Variants in DTNA observed in about 807,000 individuals in gnomAD.
The protein encoded by DTNA is dystrobrevin alpha.
Under a neutral mutation model 100.7 loss-of-function variants are expected in DTNA, and 43 were observed. The observed-to-expected ratio is 0.43, with a 90% CI of 0.33 to 0.55. The LOEUF is 0.55. Among genes scored for constraint, DTNA ranks in the 20% least tolerant of loss-of-function variants. The pLI is 0.04. For synonymous variants in DTNA, 349 were observed against 347.9 expected, an observed-to-expected ratio of 1.00 and a Z score of -0.04; for missense variants, 798 against 953.9, an observed-to-expected ratio of 0.84 and a Z score of 2.15.
intron 1 of DTNA, among the ~76,000 whole-genome samples, chr18:34,525,338 G>A (rs908955749): frequency 1.3e-5 from 2 of 152,034 alleles, no homozygotes; most frequent in South Asian, 2.1e-4. Context: ...GCTACCATTC[G>A]TTTCTCCACT....
chr18:34,576,718 C>G (rs543561486), intron 1 of DTNA, among the ~76,000 whole-genome samples: 1 of 152,098 alleles, frequency 6.6e-6, no homozygotes, highest in Non-Finnish European at 1.5e-5. Context: ...CTCAGCCTCC[C>G]GAAGTGCTGG....
chr18:34,876,045 T>TA (rs2096813649), intron 18 of DTNA, among the ~76,000 whole-genome samples: 1 of 152,152 alleles, frequency 6.6e-6, no homozygotes, highest in South Asian at 2.1e-4. Flanking sequence ...AGAATAATAA[T>TA]AAAAAAATCA....
chr18:34,721,819 A>G (rs1600808713), intron 1 of DTNA, among the ~76,000 whole-genome samples: 1 of 152,116 alleles, frequency 6.6e-6, no homozygotes, highest in Non-Finnish European at 1.5e-5. Flanking sequence ...ACCTTCCCTT[A>G]CCTGACATTG....
chr18:34,584,647 T>C (rs1439741056), intron 1 of DTNA, among the ~76,000 whole-genome samples: 5 of 152,116 alleles, frequency 3.3e-5, no homozygotes. Flanking sequence ...CAGAAATTGC[T>C]AAAAGTACAT....
chr18:34,544,880 G>A (rs978445540), intron 1 of DTNA, among the ~76,000 whole-genome samples: 2 of 151,790 alleles, frequency 1.3e-5, no homozygotes, highest in African/African-American at 4.8e-5. Context: ...ACCAAAAGGG[G>A]CCCTTAGGAT....
At chr18:34,598,192 A>G (rs1598861854) in intron 1 of DTNA, among the ~76,000 whole-genome samples, 1 of 151,918 alleles carries the variant, frequency 6.6e-6, no homozygotes, top group African/African-American at 2.4e-5. Flanking sequence ...TCTTGGGGAA[A>G]GGGAATTCTC....
intron 1 of DTNA, among the ~76,000 whole-genome samples, chr18:34,505,436 T>C (rs1022433868): frequency 2.0e-5 from 3 of 152,216 alleles, no homozygotes; most frequent in African/African-American, 7.2e-5. Flanking sequence ...CTTCCAGGGA[T>C]TGGAGCCATT....
intron 21 of DTNA, 101 bp from the exon 22 acceptor site, chr18:34,884,627 T>C (rs1310256262): frequency 5.7e-6 from 7 of 1,228,096 alleles, no homozygotes; most frequent in South Asian, 2.4e-5. Context: ...TCTCTCTCTC[T>C]GTGTCTTTGT....
intron 9 of DTNA, among the ~76,000 whole-genome samples, chr18:34,826,556 A>G (rs931988054): frequency 2.0e-5 from 3 of 152,190 alleles, no homozygotes; most frequent in Non-Finnish European, 4.4e-5. Context: ...ACCATTTACA[A>G]ATTTGGATCT....
At chr18:34,767,952 G>T (rs372735962) in intron 3 of DTNA, among the ~76,000 whole-genome samples, 67 of 152,278 alleles carry the variant, frequency 4.4e-4, no homozygotes, top group African/African-American at 1.6e-3. Flanking sequence ...GAAAGAATTT[G>T]TTACTGTATT....
intron 1 of DTNA, among the ~76,000 whole-genome samples, chr18:34,630,462 TAGTC>T (rs1374500280): frequency 6.6e-6 from 1 of 152,190 alleles, no homozygotes; most frequent in African/African-American, 2.4e-5. Context: ...CTGTGAGGGT[TAGTC>T]AGCGATAAGA....
chr18:34,712,644 G>T (rs905526119), intron 1 of DTNA, among the ~76,000 whole-genome samples: 2 of 152,060 alleles, frequency 1.3e-5, no homozygotes, highest in African/African-American at 4.8e-5. Context: ...GACTTTTGAT[G>T]TACTTGCTTT....
At position 34,605,116 on chromosome 18, in the gene DTNA, CA is replaced by C. The variant is rs71266904; in HGVS notation, c.-2+111615del. ...TTGTCTCAAACATTTAGAAAACCAGCAAAAAAAAAAAAATCTGGGTAAGAAA... is the reference window on the plus strand; with the variant it reads ...TTGTCTCAAACATTTAGAAAACCAGCAAAAAAAAAAAATCTGGGTAAGAAA... On this transcript the variant is annotated intron_variant, in intron 1 of 19. Transcript: ENST00000283365. 4.8e-3 allele frequency among the ~76,000 whole-genome samples: 650 copies of C among 135,214 alleles called. 2 individuals are homozygous for C. The highest frequency in any genetic ancestry group is 0.019 in the East Asian group (89 of 4,706). 88.7% of individuals were successfully genotyped at this position (135,214 alleles called of 152,430 possible).
intron 1 of DTNA, among the ~76,000 whole-genome samples, chr18:34,730,819 AC>A (rs1171322521): frequency 6.6e-6 from 1 of 152,038 alleles, no homozygotes; most frequent in African/African-American, 2.4e-5. Context: ...CTGTCCCCTC[AC>A]TGGTGACCAC....
At chr18:34,578,904 A>T (rs1449297815) in intron 1 of DTNA, among the ~76,000 whole-genome samples, 1 of 152,034 alleles carries the variant, frequency 6.6e-6, no homozygotes, top group Non-Finnish European at 1.5e-5. Flanking sequence ...CCGTCATTAG[A>T]TTTAAGTCTA....
intron 1 of DTNA, among the ~76,000 whole-genome samples, chr18:34,558,585 G>A (rs183917364): frequency 6.6e-6 from 1 of 152,252 alleles, no homozygotes; most frequent in South Asian, 2.1e-4. Context: ...AATATATTAT[G>A]TGATGCAAAT....
At chr18:34,588,522 CT>C (rs1378051137) in intron 1 of DTNA, among the ~76,000 whole-genome samples, 1 of 152,156 alleles carries the variant, frequency 6.6e-6, no homozygotes, top group African/African-American at 2.4e-5. Context: ...CATTAATCTT[CT>C]TCTATGTCTC....
At chr18:34,801,026 A>C (rs2095188787) in intron 4 of DTNA, among the ~76,000 whole-genome samples, 1 of 152,194 alleles carries the variant, frequency 6.6e-6, no homozygotes, top group Admixed American at 6.5e-5. Context: ...GAAGTAATTC[A>C]AATTTTTAAC....
chr18:34,557,001 G>C (rs1173798189), intron 1 of DTNA, among the ~76,000 whole-genome samples: 2 of 149,128 alleles, frequency 1.3e-5, no homozygotes, highest in Non-Finnish European at 3.0e-5. Context: ...ATCACTTTCA[G>C]GTACACCAAT....
Sources: gnomAD v4.1 joint callset for allele counts (sites outside exome capture counted in the v4.1 genomes callset) on GRCh38, gnomAD v4.1.1 for gene constraint, MANE v1.5 for transcripts, NCBI Gene and HGNC (gene_info 2026-07-23, HGNC 2026-07-21) for gene names.